C1GALT1: variants seen among roughly 807,000 people sequenced by gnomAD.
C1GALT1 encodes core 1 synthase, glycoprotein-N-acetylgalactosamine 3-beta-galactosyltransferase 1.
In C1GALT1, 11 loss-of-function variants were observed where a neutral mutation model predicts 31.0. That is an observed-to-expected ratio of 0.36 (90% CI 0.22 to 0.59). The LOEUF (loss-of-function observed/expected upper bound fraction) is 0.59. Ranked by LOEUF, C1GALT1 falls within the 20% of genes least tolerant of loss-of-function variation. The pLI is 0.79. For synonymous variants in C1GALT1, 175 were observed against 143.6 expected (o/e 1.22, Z -1.56); for missense variants, 424 against 425.2 (o/e 1.00, Z 0.03).
intron 2 of C1GALT1, among the ~76,000 whole-genome samples, chr7:7,175,548 C>G (rs912620432): frequency 2.0e-5 from 3 of 152,232 alleles, no homozygotes; most frequent in African/African-American, 7.2e-5. Context: ...CAACTGTAAT[C>G]TCTGCCTCCA....
At chr7:7,198,853 T>A (rs1781411634) in intron 1 of C1GALT1, among the ~76,000 whole-genome samples, 1 of 152,212 alleles carries the variant, frequency 6.6e-6, no homozygotes, top group Non-Finnish European at 1.5e-5. Context: ...TGATGGTAGT[T>A]TGTATTTCTG....
intron 1 of C1GALT1, among the ~76,000 whole-genome samples, chr7:7,216,612 C>G (rs1322160831): frequency 9.2e-5 from 10 of 108,272 alleles, no homozygotes; most frequent in Admixed American, 9.0e-4. Context: ...AGCACTTACC[C>G]TTGAAAGAAA....
intron 1 of C1GALT1, among the ~76,000 whole-genome samples, chr7:7,230,890 A>G (rs1010780996): frequency 6.6e-6 from 1 of 152,000 alleles, no homozygotes; most frequent in African/African-American, 2.4e-5. Context: ...TAATAATACT[A>G]ATATCTTGTG....
chr7:7,165,107 C>T (rs1780377314), intron 2 of C1GALT1, among the ~76,000 whole-genome samples: 1 of 152,142 alleles, frequency 6.6e-6, no homozygotes, highest in Non-Finnish European at 1.5e-5. Flanking sequence ...AAAGGTTGGT[C>T]TGGCATTTTT....
chr7:7,219,327 A>C lies in C1GALT1; in HGVS notation c.-17-14976A>C, dbSNP rs2347892. Reference sequence around the variant, plus strand: ...ATGTACAACACCAAAAGTGAACCATAATGTAAACTGTAGACTTTGAATGAT... The same window carrying C: ...ATGTACAACACCAAAAGTGAACCATCATGTAAACTGTAGACTTTGAATGAT... On this transcript the variant is annotated intron_variant, in intron 1 of 3. Transcript: ENST00000436587. Among the ~76,000 whole-genome samples, 304 of 152,340 alleles carry C rather than the reference A, an allele frequency of 2.0e-3. 1 individual carries two copies. Among genetic ancestry groups the C allele is most frequent in the African/African-American group, 6.7e-3 (277 of 41,576 alleles).
chr7:7,172,746 C>T (rs1360890763), intron 2 of C1GALT1, among the ~76,000 whole-genome samples: 1 of 152,180 alleles, frequency 6.6e-6, no homozygotes, highest in African/African-American at 2.4e-5. Flanking sequence ...CAGCCTCCCC[C>T]ACTATCAACA....
chr7:7,170,646 G>A (rs1164030613), intron 2 of C1GALT1, among the ~76,000 whole-genome samples: 2 of 152,114 alleles, frequency 1.3e-5, no homozygotes, highest in Non-Finnish European at 2.9e-5. Flanking sequence ...AGCCAGGCAT[G>A]GTGGCAGGCA....
At chr7:7,176,443 G>T (rs1780507149) in intron 2 of C1GALT1, among the ~76,000 whole-genome samples, 3 of 152,136 alleles carry the variant, frequency 2.0e-5, no homozygotes, top group African/African-American at 7.2e-5. Flanking sequence ...AAATGTTTCT[G>T]CTTCTGTTTC....
intron 2 of C1GALT1, 116 bp downstream of exon 2, chr7:7,234,655 A>G (rs1392272484): frequency 1.3e-6 from 1 of 741,184 alleles, no homozygotes; most frequent in Non-Finnish European, 2.1e-6. Flanking sequence ...ATTAAAAATA[A>G]TTCTTGGTTT....
intron 1 of C1GALT1, 106 bp downstream of exon 1, chr7:7,182,926 C>A: frequency 1.2e-6 from 1 of 867,086 alleles, no homozygotes; most frequent in Non-Finnish European, 1.4e-6. Flanking sequence ...GGAACCAAAC[C>A]CCGGGCGCGG....
intron 3 of C1GALT1, among the ~76,000 whole-genome samples, chr7:7,240,759 T>A (rs75171402): frequency 1.3e-5 from 2 of 152,274 alleles, no homozygotes; most frequent in East Asian, 3.9e-4. Context: ...TGACATTGCC[T>A]GTTCTCCCTC....
chr7:7,193,571 G>C (rs60143764), intron 1 of C1GALT1, among the ~76,000 whole-genome samples: 5,008 of 152,246 alleles, frequency 0.033, 185 homozygotes, highest in African/African-American at 0.091. Flanking sequence ...TTTTAGTTTA[G>C]TTTGAAGTCG....
intron 1 of C1GALT1, among the ~76,000 whole-genome samples, chr7:7,196,142 T>C (rs1216419293): frequency 2.6e-5 from 4 of 152,086 alleles, no homozygotes; most frequent in African/African-American, 9.7e-5. Context: ...TATACATGTG[T>C]CATGTTGGTG....
At chr7:7,207,314 T>C (rs1781783519) in intron 1 of C1GALT1, among the ~76,000 whole-genome samples, 1 of 150,466 alleles carries the variant, frequency 6.6e-6, no homozygotes, top group South Asian at 2.1e-4. Flanking sequence ...TTTCATTCTC[T>C]GTGTTTCTCT....
At position 7,243,689 on chromosome 7, in the gene C1GALT1, A is replaced by C; in HGVS notation, c.1054A>C (p.Lys352Gln). 6.2e-7 allele frequency: 1 copy of C among 1,603,728 alleles called. No individual in the cohort carries two copies. Among genetic ancestry groups the C allele is most frequent in the Non-Finnish European group, 8.5e-7 (1 of 1,177,250 alleles). The change falls in exon 4 of 4, where the codon AAA becomes CAA. Residue 352 changes from lysine (K) to glutamine (Q), a missense_variant. Lys to Gln is a moderately conservative substitution (Grantham distance 53). Transcript: ENST00000436587. ...ACTAAAGGAAATTAGTCAAGCAAAC[A>C]AAAATGAAGATACAAAAGTGAAGTT... Reference protein sequence around the residue: ...RILKEISQANKNEDTKVKLGN... With the variant: ...RILKEISQANQNEDTKVKLGN...
In C1GALT1 at chr7:7,225,311, T is replaced by C. The variant is rs1384923440; in HGVS notation, c.-17-8992T>C. Among the ~76,000 whole-genome samples, 9 of 152,324 alleles carry C rather than the reference T, an allele frequency of 5.9e-5. No individual in the cohort carries two copies. In the East Asian group the frequency reaches 1.4e-3, roughly 23 times the overall value. ...CAAACTGTTTCTTTGCTATTTTTAC[T>C]TCCCTGTGTCATTAGCAAAACTAAA... On this transcript the variant is annotated intron_variant, in intron 1 of 3. Coordinates refer to ENST00000436587, the MANE Select transcript of C1GALT1 (RefSeq NM_020156.5).
chr7:7,242,125 A>G (rs1583841479), intron 3 of C1GALT1, among the ~76,000 whole-genome samples: 1 of 151,952 alleles, frequency 6.6e-6, no homozygotes. Context: ...ACCTAATTTC[A>G]AGAAAGGTTT....
rs553236903 is a variant in C1GALT1 at position 7,202,061 on chromosome 7, C to G, written c.-18+19241C>G. On this transcript the variant is annotated intron_variant, in intron 1 of 3. Transcript: ENST00000436587. Reference sequence around the variant, plus strand: ...TTATCCCTATATTTCTCACAGCTCTCTAAATTAATCTCAGCTCCAGGTGAG... The same window carrying G: ...TTATCCCTATATTTCTCACAGCTCTGTAAATTAATCTCAGCTCCAGGTGAG... 1.9e-3 allele frequency among the ~76,000 whole-genome samples: 289 copies of G among 152,304 alleles called. 1 individual carries two copies. The highest frequency in any genetic ancestry group is 3.4e-3 in the Middle Eastern group (1 of 292).
rs1783747260 is a variant in C1GALT1, at chr7:7,243,990, C to A, written c.*263C>A. 1 of 229,060 alleles carries A rather than the reference C, an allele frequency of 4.4e-6. No homozygotes were observed. Among genetic ancestry groups the A allele is most frequent in the Non-Finnish European group, 8.4e-6 (1 of 119,328 alleles). 14.2% of individuals were successfully genotyped at this position (229,060 alleles called of 1,614,324 possible). A position where few individuals can be genotyped will look rare whatever the true frequency, so the allele number is the denominator to read the frequency against. On this transcript the variant is annotated 3_prime_UTR_variant, in exon 4 of 4. Transcript: ENST00000436587. ...TTTAAATGGTGGCCAGGTAGAGGAACTAGAAAAGAGATTTTGTTGCCTGTT... is the reference window on the plus strand; with the variant it reads ...TTTAAATGGTGGCCAGGTAGAGGAAATAGAAAAGAGATTTTGTTGCCTGTT...
Sources: allele counts gnomAD v4.1 joint callset (sites outside exome capture counted in the v4.1 genomes callset), GRCh38; gene constraint gnomAD v4.1.1; transcripts MANE v1.5; gene names NCBI Gene and HGNC (gene_info 2026-07-23, HGNC 2026-07-21).